MOB3B: variants seen among roughly 807,000 people sequenced by gnomAD.
The protein encoded by MOB3B is MOB kinase activator-like 2B.
MOB3B carries 7 observed loss-of-function variants against 18.7 expected under a neutral mutation model. The ratio of observed to expected loss-of-function variants is 0.37; its 90% CI spans 0.21 to 0.70. The LOEUF (loss-of-function observed/expected upper bound fraction) is 0.70. Among genes scored for constraint, MOB3B ranks in the 30% least tolerant of loss-of-function variants. The pLI, the probability that MOB3B is intolerant of heterozygous loss-of-function variation, is 0.52. For synonymous variants in MOB3B, 111 were observed against 99.9 expected (o/e 1.11, Z -0.66); for missense variants, 253 against 281.3 (o/e 0.90, Z 0.72).
At chr9:27,378,177 AATCAG>A (rs1292536869) in intron 2 of MOB3B, 2 of 353,472 alleles carry the variant, frequency 5.7e-6, no homozygotes. Flanking sequence ...TCAGGTCAGA[AATCAG>A]ATCTCAAAAC....
intron 2 of MOB3B, among the ~76,000 whole-genome samples, chr9:27,408,075 G>T (rs1822013723): frequency 6.6e-6 from 1 of 152,128 alleles, no homozygotes; most frequent in African/African-American, 2.4e-5. Flanking sequence ...ATGCCCCAGG[G>T]CCTCCTCCTA....
chr9:27,472,449 A>G (rs753205641), intron 1 of MOB3B, among the ~76,000 whole-genome samples: 3 of 152,148 alleles, frequency 2.0e-5, no homozygotes, highest in Non-Finnish European at 4.4e-5. Context: ...CTGACAGTAC[A>G]GGAAGCCACA....
chr9:27,425,360 A>C (rs1351022268), intron 2 of MOB3B, among the ~76,000 whole-genome samples: 1 of 146,790 alleles, frequency 6.8e-6, no homozygotes, highest in Non-Finnish European at 1.5e-5. Context: ...GGGCAACAAG[A>C]GCAAAACTGT....
At chr9:27,506,553 A>G (rs1469072182) in intron 1 of MOB3B, among the ~76,000 whole-genome samples, 3 of 148,044 alleles carry the variant, frequency 2.0e-5, no homozygotes, top group African/African-American at 7.5e-5. Context: ...TTTTTTTGAG[A>G]CGGAGTCTCA....
chr9:27,335,123 A>G (rs2131332857), intron 3 of MOB3B, among the ~76,000 whole-genome samples: 2 of 152,352 alleles, frequency 1.3e-5, no homozygotes, highest in South Asian at 2.1e-4. Flanking sequence ...TAATTTTCAT[A>G]TGGAACATAT....
At chr9:27,468,680 G>A (rs748534800) in intron 1 of MOB3B, among the ~76,000 whole-genome samples, 2 of 152,130 alleles carry the variant, frequency 1.3e-5, no homozygotes, top group African/African-American at 2.4e-5. Context: ...CCTAACACAG[G>A]ACCCAGCAGA....
chr9:27,325,508 G>A lies in MOB3B; in HGVS notation c.*5079C>T, dbSNP rs980233479. The A allele has an allele frequency of 6.6e-6, 1 of 152,214 alleles. No individual in the cohort carries two copies. The highest frequency in any genetic ancestry group is 2.4e-5 in the African/African-American group (1 of 41,450). The allele number at this position is 152,214 out of a possible 1,614,324, so 9.4% of individuals were successfully genotyped here. On this transcript the variant is annotated 3_prime_UTR_variant, in exon 4 of 4. Coordinates refer to ENST00000262244, the MANE Select transcript of MOB3B (RefSeq NM_024761.5). ...CTTCATAAGTTACACAAATCCTTAT[G>A]TAGTCACTGAAAATTCTTACTCAGA...
At chr9:27,488,874 T>C (rs1369217640) in intron 1 of MOB3B, among the ~76,000 whole-genome samples, 2 of 152,216 alleles carry the variant, frequency 1.3e-5, no homozygotes, top group East Asian at 3.8e-4. Flanking sequence ...TATTCACTTA[T>C]GTTGTGCCAG....
At chr9:27,519,692 T>A (rs1304359347) in intron 1 of MOB3B, among the ~76,000 whole-genome samples, 1 of 152,186 alleles carries the variant, frequency 6.6e-6, no homozygotes, top group East Asian at 1.9e-4. Flanking sequence ...TAAGCAAAGC[T>A]TTCGCTTGCC....
intron 2 of MOB3B, among the ~76,000 whole-genome samples, chr9:27,367,910 TCAA>T (rs2131363959): frequency 6.6e-6 from 1 of 152,278 alleles, no homozygotes; most frequent in South Asian, 2.1e-4. Context: ...TGATGGCATG[TCAA>T]CAACAACCAG....
chr9:27,525,182 A>G (rs1820416906), intron 1 of MOB3B, among the ~76,000 whole-genome samples: 1 of 152,152 alleles, frequency 6.6e-6, no homozygotes, highest in Non-Finnish European at 1.5e-5. Flanking sequence ...GACATTTTTA[A>G]AGGAATAAGA....
At chr9:27,403,386 C>A (rs960800522) in intron 2 of MOB3B, among the ~76,000 whole-genome samples, 3 of 152,018 alleles carry the variant, frequency 2.0e-5, no homozygotes, top group Admixed American at 2.0e-4. Context: ...ATTATTTAAG[C>A]TTCAGGAACC....
At chr9:27,470,851 T>C (rs528312589) in intron 1 of MOB3B, among the ~76,000 whole-genome samples, 54 of 152,358 alleles carry the variant, frequency 3.5e-4, no homozygotes, top group African/African-American at 1.1e-3. Flanking sequence ...TGACTTGTTC[T>C]TATTGAGTTC....
At chr9:27,341,354 A>G (rs1298105880) in intron 3 of MOB3B, among the ~76,000 whole-genome samples, 1 of 152,200 alleles carries the variant, frequency 6.6e-6, no homozygotes, top group Non-Finnish European at 1.5e-5. Flanking sequence ...ATTCCATAGA[A>G]GCCGTTCAGC....
intron 2 of MOB3B, among the ~76,000 whole-genome samples, chr9:27,422,955 T>A (rs1402211938): frequency 6.6e-6 from 1 of 152,158 alleles, no homozygotes; most frequent in South Asian, 2.1e-4. Flanking sequence ...CAATAGTCAA[T>A]CTGGAAAGAA....
At chr9:27,436,813 T>C (rs1172897542) in intron 2 of MOB3B, among the ~76,000 whole-genome samples, 1 of 151,994 alleles carries the variant, frequency 6.6e-6, no homozygotes, top group Non-Finnish European at 1.5e-5. Context: ...ACAGAAGGGA[T>C]CTAGGTCACA....
rs532973550 is a variant in MOB3B, at chr9:27,482,619, C to T, written c.-198-26871G>A. On this transcript the variant is annotated intron_variant, in intron 1 of 3. Coordinates refer to ENST00000262244, the MANE Select transcript of MOB3B (RefSeq NM_024761.5). Reference sequence around the variant, plus strand: ...CAGACCTGGCTCAGTTGCATCTCAACCTCTGCCTCTACACCATTGCCCGTG... The same window carrying T: ...CAGACCTGGCTCAGTTGCATCTCAATCTCTGCCTCTACACCATTGCCCGTG... Among the ~76,000 whole-genome samples the T allele has an allele frequency of 6.6e-5, 10 of 152,176 alleles. No individual in the cohort carries two copies. The East Asian group carries it at 1.8e-3, about 27-fold the overall frequency.
intron 2 of MOB3B, among the ~76,000 whole-genome samples, chr9:27,385,499 C>T (rs1198303969): frequency 6.6e-6 from 1 of 152,044 alleles, no homozygotes. Flanking sequence ...AGGGTGGGGT[C>T]CTCTCCTGCA....
chr9:27,383,374 G>T (rs568580450), intron 2 of MOB3B, among the ~76,000 whole-genome samples: 1 of 152,276 alleles, frequency 6.6e-6, no homozygotes, highest in African/African-American at 2.4e-5. Flanking sequence ...TTATGAAGTG[G>T]CAGGGTTCAG....
Sources: allele counts gnomAD v4.1 joint callset (sites outside exome capture counted in the v4.1 genomes callset), GRCh38; gene constraint gnomAD v4.1.1; transcripts MANE v1.5; gene names NCBI Gene and HGNC (gene_info 2026-07-23, HGNC 2026-07-21).